GABRR1: variants seen among roughly 807,000 people sequenced by gnomAD.
GABRR1 encodes the protein gamma-aminobutyric acid receptor subunit rho-1.
In GABRR1, 59 loss-of-function variants were observed where a neutral mutation model predicts 55.5. That is an observed-to-expected ratio of 1.06 (90% CI 0.86 to 1.32). GABRR1 has a LOEUF of 1.32. GABRR1 is among the 40% of genes most tolerant of loss of function. The probability of loss-of-function intolerance (pLI) is 0.00; values close to 1 mark genes in which losing one functional copy is unlikely to be tolerated. For missense variants in GABRR1, 602 were observed against 619.1 expected, an observed-to-expected ratio of 0.97 and a Z score of 0.29; for synonymous variants, 213 against 226.0, an observed-to-expected ratio of 0.94 and a Z score of 0.51.
At position 89,192,011 on chromosome 6, in the gene GABRR1, C is replaced by T. The variant is rs146844820; in HGVS notation, c.573-1764G>A. The stretch of plus-strand genomic sequence containing the variant: ...GAGCCGAGATCGCATCACTGCACTC[C>T]GGCCTGGGCAACAGAGTGAGACTCC... On this transcript the variant is annotated intron_variant, in intron 5 of 9. Transcript: ENST00000454853. Among the ~76,000 whole-genome samples the T allele has an allele frequency of 7.4e-3, 1,124 of 151,354 alleles. 14 individuals are homozygous for T. The highest frequency in any genetic ancestry group is 0.026 in the African/African-American group (1,074 of 41,194).
intron 3 of GABRR1, among the ~76,000 whole-genome samples, chr6:89,200,241 CTTTTTTTTTTTTTTT>C (rs10603486): frequency 2.3e-5 from 2 of 86,336 alleles, no homozygotes; most frequent in East Asian, 5.1e-4. Context: ...TTCTTTTTCC[CTTTTTTTTTTTTTTT>C]TTTTTTTTTG....
chr6:89,215,698 A>C (rs185923505), intron 1 of GABRR1, among the ~76,000 whole-genome samples: 1 of 152,324 alleles, frequency 6.6e-6, no homozygotes, highest in Admixed American at 6.5e-5. Context: ...AAAAACAGTA[A>C]ATATTTGTGG....
chr6:89,204,581 T>A, intron 1 of GABRR1: 1 of 1,229,584 alleles, frequency 8.1e-7, no homozygotes, highest in South Asian at 1.4e-5. Flanking sequence ...GAAAAAAGCT[T>A]GGCCCAGCTC....
chr6:89,203,488 A>G lies in GABRR1; in HGVS notation c.123-3T>C. 1 of 1,608,246 alleles carries G rather than the reference A, an allele frequency of 6.2e-7. No individual in the cohort carries two copies. Among genetic ancestry groups the G allele is most frequent in the Non-Finnish European group, 8.5e-7 (1 of 1,174,692 alleles). Reference sequence around the variant, plus strand: ...CTTCTCGTCTTTGTCTTTGGGGCCTACCATGAACATTAAAAATAAAGACAT... The same window carrying G: ...CTTCTCGTCTTTGTCTTTGGGGCCTGCCATGAACATTAAAAATAAAGACAT... On this transcript the variant is annotated splice_region_variant and splice_polypyrimidine_tract_variant and intron_variant, in intron 1 of 9. Transcript: ENST00000454853.
chr6:89,221,861 CTG>C (rs759746901), upstream of GABRR1, among the ~76,000 whole-genome samples: 4 of 152,186 alleles, frequency 2.6e-5, no homozygotes, highest in Non-Finnish European at 5.9e-5. Context: ...TCTTTACTCA[CTG>C]TATCGTCAAG....
intron 1 of GABRR1, among the ~76,000 whole-genome samples, chr6:89,224,959 T>A (rs1773174882): frequency 6.6e-6 from 1 of 152,122 alleles, no homozygotes; most frequent in Non-Finnish European, 1.5e-5. Flanking sequence ...ATTTTTGTAT[T>A]TTTAGTAGAG....
At chr6:89,205,177 A>C (rs965940704) in intron 1 of GABRR1, among the ~76,000 whole-genome samples, 12 of 152,198 alleles carry the variant, frequency 7.9e-5, no homozygotes, top group African/African-American at 2.7e-4. Flanking sequence ...CTGAGATACA[A>C]AGACTTTAAA....
chr6:89,202,529 G>T (rs1348513685), intron 2 of GABRR1, among the ~76,000 whole-genome samples: 2 of 151,900 alleles, frequency 1.3e-5, no homozygotes, highest in Non-Finnish European at 2.9e-5. Flanking sequence ...CTGGCCTCAA[G>T]TGATCCACCC....
At chr6:89,206,703 C>A (rs534046296) in intron 1 of GABRR1, among the ~76,000 whole-genome samples, 44 of 151,922 alleles carry the variant, frequency 2.9e-4, no homozygotes, top group Non-Finnish European at 4.9e-4. Context: ...GCAGCCTCAA[C>A]CTCCTAGGCT....
intron 2 of GABRR1, 97 bp from the exon 3 acceptor site, chr6:89,201,362 G>T: frequency 1.3e-6 from 1 of 770,470 alleles, no homozygotes; most frequent in Non-Finnish European, 2.3e-6. Context: ...GTGTGATGGG[G>T]TGTGCTATTT....
At chr6:89,219,541 A>G (rs1773081162), upstream of GABRR1, among the ~76,000 whole-genome samples, 2 of 152,222 alleles carry the variant, frequency 1.3e-5, no homozygotes, top group Non-Finnish European at 2.9e-5. Flanking sequence ...AAACTTTGAA[A>G]TGAGCAAAAT....
At chr6:89,216,100 G>C (rs1772972071) in intron 1 of GABRR1, among the ~76,000 whole-genome samples, 1 of 152,154 alleles carries the variant, frequency 6.6e-6, no homozygotes, top group African/African-American at 2.4e-5. Context: ...TAGCACCCCA[G>C]GGCTCACCAT....
At chr6:89,207,442 G>T (rs998648994) in intron 1 of GABRR1, among the ~76,000 whole-genome samples, 1 of 152,080 alleles carries the variant, frequency 6.6e-6, no homozygotes, top group Non-Finnish European at 1.5e-5. Context: ...CGATCTGCCC[G>T]CCTCGGCCTC....
chr6:89,190,766 GTGT>G (rs1405621086), intron 5 of GABRR1, among the ~76,000 whole-genome samples: 12 of 152,324 alleles, frequency 7.9e-5, no homozygotes, highest in Admixed American at 2.0e-4. Context: ...GTGGGCATAT[GTGT>G]TGTTAGTGGA....
At chr6:89,185,942 G>A (rs1001780415) in intron 6 of GABRR1, among the ~76,000 whole-genome samples, 7 of 151,856 alleles carry the variant, frequency 4.6e-5, no homozygotes, top group South Asian at 2.1e-4. Flanking sequence ...ATAAAGAGAC[G>A]GGAGTGGAAC....
chr6:89,196,908 A>AAAGAG (rs1208735149), intron 5 of GABRR1, among the ~76,000 whole-genome samples: 3 of 148,382 alleles, frequency 2.0e-5, no homozygotes, highest in Admixed American at 6.7e-5. Context: ...AAAGAAAATA[A>AAAGAG]AAAATCTGCC....
intron 5 of GABRR1, among the ~76,000 whole-genome samples, chr6:89,193,481 G>C (rs994805077): frequency 6.6e-6 from 1 of 152,016 alleles, no homozygotes; most frequent in Non-Finnish European, 1.5e-5. Context: ...GAGGGAAAGG[G>C]GGTGTTTTCC....
At chr6:89,191,287 A>G (rs962906714) in intron 5 of GABRR1, among the ~76,000 whole-genome samples, 1 of 152,188 alleles carries the variant, frequency 6.6e-6, no homozygotes, top group African/African-American at 2.4e-5. Context: ...GTTAGAGTGC[A>G]GAGGTCGAGG....
chr6:89,186,540 T>G (rs1338888720), intron 6 of GABRR1, among the ~76,000 whole-genome samples: 1 of 152,242 alleles, frequency 6.6e-6, no homozygotes, highest in African/African-American at 2.4e-5. Flanking sequence ...AGCCACTTCC[T>G]TGCAATAAAT....
Sources: gnomAD v4.1 joint callset for allele counts (sites outside exome capture counted in the v4.1 genomes callset) on GRCh38, gnomAD v4.1.1 for gene constraint, MANE v1.5 for transcripts, NCBI Gene and HGNC (gene_info 2026-07-23, HGNC 2026-07-21) for gene names.